SORBS2: variants seen among roughly 807,000 people sequenced by gnomAD.
SORBS2 encodes sorbin and SH3 domain-containing protein 2.
Under a neutral mutation model 97.7 loss-of-function variants are expected in SORBS2, and 46 were observed. The observed-to-expected ratio is 0.47, with a 90% CI of 0.37 to 0.60. The LOEUF is 0.60. Ranked by LOEUF, SORBS2 falls within the 20% of genes least tolerant of loss-of-function variation. SORBS2 has a pLI of 0.00. For missense variants in SORBS2, 1,316 were observed against 1,282.3 expected (o/e 1.03, Z -0.40); for synonymous variants, 476 against 473.4 (o/e 1.01, Z -0.07).
At chr4:185,724,948 T>C (rs1348794145) in intron 2 of SORBS2, among the ~76,000 whole-genome samples, 2 of 152,244 alleles carry the variant, frequency 1.3e-5, no homozygotes, top group African/African-American at 4.8e-5. Context: ...AGATTAAGGA[T>C]AGTGTCTTTT....
At chr4:185,733,397 G>A (rs111517806) in intron 2 of SORBS2, among the ~76,000 whole-genome samples, 285 of 152,348 alleles carry the variant, frequency 1.9e-3, no homozygotes, top group African/African-American at 6.3e-3. Context: ...GCAGGCCAGC[G>A]GGGGTCCGCC....
intron 1 of SORBS2, among the ~76,000 whole-genome samples, chr4:185,895,486 C>T (rs951705742): frequency 1.1e-4 from 16 of 152,330 alleles, no homozygotes; most frequent in African/African-American, 2.6e-4. Context: ...CGTGAGCATC[C>T]GTTCTGCTGC....
intron 14 of SORBS2, 40 bp downstream of exon 26, chr4:185,589,639 A>G (rs770638129): frequency 3.2e-6 from 4 of 1,254,326 alleles, no homozygotes; most frequent in East Asian, 2.3e-5. Context: ...CAAGCAAATT[A>G]CAAAATAGCC....
intron 1 of SORBS2, among the ~76,000 whole-genome samples, chr4:185,834,207 G>T (rs1461974690): frequency 6.6e-6 from 1 of 152,096 alleles, no homozygotes; most frequent in Admixed American, 6.5e-5. Context: ...CTGCTTCTGG[G>T]GAGGATTCAG....
At chr4:185,720,744 T>G (rs1400520425) in intron 2 of SORBS2, among the ~76,000 whole-genome samples, 1 of 152,198 alleles carries the variant, frequency 6.6e-6, no homozygotes, top group Non-Finnish European at 1.5e-5. Context: ...ATTTTTTGAC[T>G]GGTATTTACA....
At chr4:185,759,448 CTT>C (rs2098851438) in intron 2 of SORBS2, among the ~76,000 whole-genome samples, 1 of 152,022 alleles carries the variant, frequency 6.6e-6, no homozygotes, top group African/African-American at 2.4e-5. Context: ...GGGTGTGTAC[CTT>C]TTTCTAAGGA....
chr4:185,677,232 G>A lies in SORBS2; in HGVS notation c.-46+1191C>T, dbSNP rs764899576. The A allele has an allele frequency of 2.8e-5, 44 of 1,551,742 alleles. 1 individual carries two copies. In the South Asian group the frequency reaches 5.2e-4, roughly 18 times the overall value. On this transcript the variant is annotated intron_variant, in intron 4 of 20. Transcript: ENST00000284776. ...AAATGACGGTACTTCGACAGATTTG[G>A]AGAACTGTGGAGTACTAATGGGGCT...
At chr4:185,865,584 A>G (rs2099226432) in intron 1 of SORBS2, among the ~76,000 whole-genome samples, 1 of 144,466 alleles carries the variant, frequency 6.9e-6, no homozygotes, top group South Asian at 2.4e-4. Context: ...GGGAACACGG[A>G]AACGTACAGA....
rs555115970 is a variant in SORBS2 at position 185,763,399 on chromosome 4, C to A, written c.-198+11828G>T. 9.9e-5 allele frequency among the ~76,000 whole-genome samples: 15 copies of A among 152,264 alleles called. No individual in the cohort carries two copies. In the South Asian group the frequency reaches 3.1e-3, roughly 32 times the overall value. On this transcript the variant is annotated intron_variant, in intron 2 of 20. Transcript: ENST00000284776. ...TACTGGCCCTTCCTTCCCAGCCATT[C>A]TCCTCCAATCACCTGCCCTGGCCCA...
At chr4:185,945,067 A>G (rs541711397) in intron 1 of SORBS2, among the ~76,000 whole-genome samples, 1 of 152,348 alleles carries the variant, frequency 6.6e-6, no homozygotes, top group South Asian at 2.1e-4. Context: ...GTGCTCATAT[A>G]TGCCAATGCC....
At chr4:185,870,603 G>A (rs1233960577) in intron 1 of SORBS2, among the ~76,000 whole-genome samples, 3 of 152,238 alleles carry the variant, frequency 2.0e-5, no homozygotes, top group African/African-American at 7.2e-5. Flanking sequence ...GACGGATGCT[G>A]CGCTCGTTCC....
chr4:185,688,124 G>A (rs896767323), intron 2 of SORBS2, among the ~76,000 whole-genome samples: 1 of 152,116 alleles, frequency 6.6e-6, no homozygotes, highest in Non-Finnish European at 1.5e-5. Flanking sequence ...GCCTAAGAAA[G>A]TAATGTGTTA....
At chr4:185,740,014 G>A (rs543783050) in intron 2 of SORBS2, 2 of 152,692 alleles carry the variant, frequency 1.3e-5, no homozygotes, top group East Asian at 1.9e-4. Flanking sequence ...TTGTGGAGCC[G>A]GGTCTCCCAT....
At chr4:185,917,115 G>C (rs954453130) in intron 1 of SORBS2, among the ~76,000 whole-genome samples, 1 of 152,210 alleles carries the variant, frequency 6.6e-6, no homozygotes. Context: ...GAAGCTTCTG[G>C]AGAGCTGAAT....
chr4:185,829,510 G>A (rs2099203966), intron 1 of SORBS2, among the ~76,000 whole-genome samples: 1 of 152,110 alleles, frequency 6.6e-6, no homozygotes, highest in African/African-American at 2.4e-5. Context: ...AGAAAAGAGA[G>A]AAAGAATGAG....
At chr4:185,723,061 C>G (rs1473248673) in intron 2 of SORBS2, among the ~76,000 whole-genome samples, 1 of 151,842 alleles carries the variant, frequency 6.6e-6, no homozygotes, top group African/African-American at 2.4e-5. Flanking sequence ...TAGCACAGTG[C>G]CTGCACATGT....
At chr4:185,840,300 G>T (rs1210871517) in intron 1 of SORBS2, among the ~76,000 whole-genome samples, 1 of 152,184 alleles carries the variant, frequency 6.6e-6, no homozygotes, top group Admixed American at 6.5e-5. Context: ...CCAAGGTATG[G>T]AATGCCTGCT....
intron 1 of SORBS2, among the ~76,000 whole-genome samples, chr4:185,927,356 GT>G (rs1251030066): frequency 6.6e-6 from 1 of 151,996 alleles, no homozygotes; most frequent in Admixed American, 6.6e-5. Flanking sequence ...TGCCATGGCG[GT>G]TTGCTGCACC....
chr4:185,656,821 C>T, exon 1 of SORBS2: 3 of 1,389,338 alleles, frequency 2.2e-6, no homozygotes, highest in Non-Finnish European at 2.8e-6. Flanking sequence ...AAAAAAAATC[C>T]AAACACTTTC....
Sources: gnomAD v4.1 joint callset for allele counts (sites outside exome capture counted in the v4.1 genomes callset) on GRCh38, gnomAD v4.1.1 for gene constraint, MANE v1.5 for transcripts, NCBI Gene and HGNC (gene_info 2026-07-23, HGNC 2026-07-21) for gene names.